Variants in PLCG2 observed in about 807,000 individuals in gnomAD.
PLCG2 encodes the protein 1-phosphatidylinositol 4,5-bisphosphate phosphodiesterase gamma-2.
PLCG2 carries 69 observed loss-of-function variants against 175.6 expected under a neutral mutation model. The ratio of observed to expected loss-of-function variants is 0.39; its 90% CI spans 0.32 to 0.48. PLCG2 has a LOEUF of 0.48. PLCG2 is among the 20% of genes least tolerant of loss of function. PLCG2 has a pLI of 0.91. For missense variants in PLCG2, 1,798 were observed against 1,650.9 expected, an observed-to-expected ratio of 1.09 and a Z score of -1.54; for synonymous variants, 827 against 624.0, an observed-to-expected ratio of 1.33 and a Z score of -4.85.
In PLCG2 at chr16:81,938,858, G is replaced by A; in HGVS notation, c.3256G>A (p.Glu1086Lys). 1 of 1,613,920 alleles carries A rather than the reference G, an allele frequency of 6.2e-7. No homozygotes were observed. The highest frequency in any genetic ancestry group is 8.5e-7 in the Non-Finnish European group (1 of 1,179,922). Residue 1086 changes from glutamate (E) to lysine (K), a missense_variant, in exon 29 of 33, where the codon GAA (glutamate) becomes AAA (lysine). By Grantham distance (56) the Glu-to-Lys change is moderately conservative. Transcript: ENST00000564138. The part of the protein sequence containing the change: ...LGRSIACPFV[E>K]VEICGAEYDN... Reference sequence around the variant, plus strand: ...ACGAAGTATTGCCTGTCCCTTTGTAGAAGTGGAGATCTGTGGAGCCGAGTA... The same window carrying A: ...ACGAAGTATTGCCTGTCCCTTTGTAAAAGTGGAGATCTGTGGAGCCGAGTA...
intron 26 of PLCG2, chr16:81,935,692 C>T: frequency 3.0e-6 from 3 of 985,328 alleles, no homozygotes; most frequent in African/African-American, 1.7e-5. Flanking sequence ...AGGCCTGTCC[C>T]CTTCCCTCTC....
At chr16:81,770,833 C>T (rs912466265) in intron 2 of PLCG2, among the ~76,000 whole-genome samples, 4 of 151,980 alleles carry the variant, frequency 2.6e-5, no homozygotes, top group African/African-American at 4.8e-5. Flanking sequence ...CCGAGGCGGG[C>T]GGATCGTGAG....
intron 2 of PLCG2, among the ~76,000 whole-genome samples, chr16:81,814,161 T>C (rs893688042): frequency 2.0e-5 from 3 of 152,126 alleles, no homozygotes; most frequent in African/African-American, 7.2e-5. Flanking sequence ...GGCTAGGATA[T>C]AAATGTCTTA....
intron 2 of PLCG2, among the ~76,000 whole-genome samples, chr16:81,765,341 A>G (rs2143096051): frequency 6.6e-6 from 1 of 152,342 alleles, no homozygotes; most frequent in South Asian, 2.1e-4. Context: ...GAAGAAAGCA[A>G]CCATGCCGGC....
chr16:81,855,667 G>A (rs1906647684), intron 3 of PLCG2, among the ~76,000 whole-genome samples: 1 of 152,194 alleles, frequency 6.6e-6, no homozygotes, highest in African/African-American at 2.4e-5. Context: ...ATAAGACCTA[G>A]TGCAAGCATG....
intron 2 of PLCG2, among the ~76,000 whole-genome samples, chr16:81,789,789 T>C (rs1385978613): frequency 1.3e-5 from 2 of 149,190 alleles, no homozygotes; most frequent in African/African-American, 5.0e-5. Context: ...CCCCCTCCTC[T>C]CCCTCCTCTT....
intron 5 of PLCG2, among the ~76,000 whole-genome samples, chr16:81,866,831 G>A (rs557080002): frequency 7.5e-4 from 114 of 152,320 alleles, no homozygotes; most frequent in African/African-American, 2.7e-3. Flanking sequence ...CTCTGGTAGC[G>A]CCTGTTCCCA....
At chr16:81,781,383 G>GCC (rs111332042) in intron 1 of PLCG2, among the ~76,000 whole-genome samples, 4 of 150,992 alleles carry the variant, frequency 2.6e-5, no homozygotes, top group Admixed American at 6.6e-5. Context: ...TATCCAGGAG[G>GCC]CCCCCCACAT....
rs762512676 is a variant in PLCG2 at position 81,893,690 on chromosome 16, C to T, written c.987-19C>T. On this transcript the variant is annotated intron_variant, in intron 11 of 32. Coordinates refer to ENST00000564138, the MANE Select transcript of PLCG2 (RefSeq NM_002661.5). ...TGTGGCTGCCACTCTCACACGGCCACCTGCCTTCTCTCCTGCAGGTACCTT... is the reference window on the plus strand; with the variant it reads ...TGTGGCTGCCACTCTCACACGGCCATCTGCCTTCTCTCCTGCAGGTACCTT... The T allele has an allele frequency of 3.2e-6, 5 of 1,571,288 alleles. No individual in the cohort carries two copies. Among genetic ancestry groups the T allele is most frequent in the East Asian group, 2.2e-5 (1 of 44,684 alleles).
At chr16:81,851,680 T>A (rs996006143) in intron 2 of PLCG2, among the ~76,000 whole-genome samples, 1 of 152,244 alleles carries the variant, frequency 6.6e-6, no homozygotes, top group African/African-American at 2.4e-5. Flanking sequence ...GCCCAGCTAC[T>A]TTTTGTATTC....
intron 2 of PLCG2, among the ~76,000 whole-genome samples, chr16:81,815,139 T>G (rs541439492): frequency 6.6e-6 from 1 of 152,300 alleles, no homozygotes; most frequent in Admixed American, 6.5e-5. Flanking sequence ...AGGCTTAAAA[T>G]GAAGCACCTG....
intron 1 of PLCG2, among the ~76,000 whole-genome samples, chr16:81,781,028 GACAA>G (rs112007343): frequency 1.4e-3 from 205 of 150,852 alleles, no homozygotes; most frequent in African/African-American, 4.1e-3. Flanking sequence ...TCCATCTCAA[GACAA>G]ACAAACAAAC....
At chr16:81,791,021 A>G (rs1455573201) in intron 2 of PLCG2, among the ~76,000 whole-genome samples, 1 of 152,158 alleles carries the variant, frequency 6.6e-6, no homozygotes, top group East Asian at 1.9e-4. Context: ...CACTGGGTAA[A>G]ATAGGGTTTT....
At chr16:81,833,146 C>G (rs1212375254) in intron 2 of PLCG2, among the ~76,000 whole-genome samples, 1 of 152,164 alleles carries the variant, frequency 6.6e-6, no homozygotes, top group African/African-American at 2.4e-5. Flanking sequence ...TTCCCTGAGT[C>G]TGGTCTGTGA....
chr16:81,905,616 T>G, intron 15 of PLCG2, 109 bp downstream of exon 15: 1 of 691,518 alleles, frequency 1.4e-6, no homozygotes, highest in Non-Finnish European at 2.6e-6. Flanking sequence ...CCATTTTTAG[T>G]CAAGTGAGTT....
intron 14 of PLCG2, among the ~76,000 whole-genome samples, chr16:81,904,075 C>G (rs1004281078): frequency 1.3e-5 from 2 of 152,190 alleles, no homozygotes; most frequent in African/African-American, 4.8e-5. Flanking sequence ...ATAGCTCAGC[C>G]AGGGTCACAC....
chr16:81,768,895 T>C (rs1232013112), intron 2 of PLCG2, among the ~76,000 whole-genome samples: 1 of 152,124 alleles, frequency 6.6e-6, no homozygotes, highest in Non-Finnish European at 1.5e-5. Context: ...ATTTTAACCA[T>C]TTTAATAGGT....
rs1367930570 is a variant in PLCG2, at chr16:81,805,774, TTTTTTTTTG to T, written c.193+19601_193+19609del. 6.9e-3 allele frequency among the ~76,000 whole-genome samples: 674 copies of T among 97,550 alleles called. 21 individuals are homozygous for T. Among genetic ancestry groups the T allele is most frequent in the African/African-American group, 0.022 (615 of 28,374 alleles). 64.0% of individuals were successfully genotyped at this position (97,550 alleles called of 152,430 possible). A position where few individuals can be genotyped will look rare whatever the true frequency, so the allele number is the denominator to read the frequency against. On this transcript the variant is annotated intron_variant, in intron 2 of 32. Transcript: ENST00000564138. ...AGAGTAGTGTTTTGTTTTGTTTTTT[TTTTTTTTTG>T]TTTTTTTTTTTTTTTGCTGTTATTG...
rs115472157 is a variant in PLCG2, at chr16:81,869,365, G to A, written c.564+67G>A. ...GTGACTTAGCCTCTCTCATGAAGCC[G>A]TGGCTTGCCTTTGAGTTCCGTGGAA... On this transcript the variant is annotated intron_variant, in intron 6 of 32. Coordinates refer to ENST00000564138, the MANE Select transcript of PLCG2 (RefSeq NM_002661.5). 3.4e-3 allele frequency: 4,018 copies of A among 1,177,122 alleles called. 74 individuals are homozygous for A. The African/African-American group carries it at 0.038, about 11-fold the overall frequency. 72.9% of individuals were successfully genotyped at this position (1,177,122 alleles called of 1,614,324 possible).
Sources: gnomAD v4.1 joint callset for allele counts (sites outside exome capture counted in the v4.1 genomes callset) on GRCh38, gnomAD v4.1.1 for gene constraint, MANE v1.5 for transcripts, NCBI Gene and HGNC (gene_info 2026-07-23, HGNC 2026-07-21) for gene names.